Variants in SPATA1 observed in about 807,000 individuals in gnomAD.
SPATA1 encodes spermatogenesis associated 1, also known as spermatogenesis-associated protein 1.
SPATA1 carries 57 observed loss-of-function variants against 59.6 expected under a neutral mutation model. The observed-to-expected ratio is 0.96, with a 90% CI of 0.77 to 1.19. The LOEUF (loss-of-function observed/expected upper bound fraction) is 1.19. Among genes scored for constraint, SPATA1 ranks in the 50% most tolerant of loss-of-function variants. The pLI is 0.00. For synonymous variants in SPATA1, 147 were observed against 163.9 expected (o/e 0.90, Z 0.79); for missense variants, 448 against 480.7 (o/e 0.93, Z 0.64).
chr1:84,508,261 C>T (rs946693248), intron 1 of SPATA1, among the ~76,000 whole-genome samples: 2 of 149,462 alleles, frequency 1.3e-5, no homozygotes, highest in South Asian at 2.1e-4. Context: ...TCCAGCCTGG[C>T]GACAGAGTGA....
chr1:84,525,553 C>A, intron 4 of SPATA1, 143 bp from the exon 5 acceptor site: 1 of 628,192 alleles, frequency 1.6e-6, no homozygotes, highest in Non-Finnish European at 2.7e-6. Flanking sequence ...TTATATTCTA[C>A]ATTTCTAGAA....
At chr1:84,530,046 C>A (rs1343939702) in intron 6 of SPATA1, among the ~76,000 whole-genome samples, 4 of 151,744 alleles carry the variant, frequency 2.6e-5, no homozygotes, top group African/African-American at 9.7e-5. Flanking sequence ...TTAGTAGAGA[C>A]GGGGTTTCAC....
At chr1:84,548,864 G>C in exon 11 of SPATA1, 1 of 1,588,092 alleles carries the variant, frequency 6.3e-7, no homozygotes, top group East Asian at 2.3e-5. Flanking sequence ...ACAAAACTTC[G>C]AGAAGATTTG....
At chr1:84,547,272 CCT>C (rs1276933047) in intron 10 of SPATA1, among the ~76,000 whole-genome samples, 1 of 152,140 alleles carries the variant, frequency 6.6e-6, no homozygotes, top group Non-Finnish European at 1.5e-5. Context: ...AGTTACTTCC[CCT>C]CTTTGTGCCT....
Sources: gnomAD v4.1 joint callset for allele counts (sites outside exome capture counted in the v4.1 genomes callset) on GRCh38, gnomAD v4.1.1 for gene constraint, MANE v1.5 for transcripts, NCBI Gene and HGNC (gene_info 2026-07-23, HGNC 2026-07-21) for gene names.